SYNE3: variants seen among roughly 807,000 people sequenced by gnomAD.
The protein encoded by SYNE3 is nesprin-3.
In SYNE3, 100 loss-of-function variants were observed where a neutral mutation model predicts 111.2. That is an observed-to-expected ratio of 0.90 (90% confidence interval 0.77 to 1.06). SYNE3 has a LOEUF of 1.06. Among genes scored for constraint, SYNE3 ranks in the 50% least tolerant of loss-of-function variants. The probability of loss-of-function intolerance (pLI) is 0.00; values close to 1 mark genes in which losing one functional copy is unlikely to be tolerated. For missense variants in SYNE3, 1,160 were observed against 1,240.3 expected (o/e 0.94, Z 0.97); for synonymous variants, 547 against 533.9 (o/e 1.02, Z -0.34).
chr14:95,439,586 G>T (rs748754495), intron 13 of SYNE3, 26 bp downstream of exon 13: 3 of 1,602,672 alleles, frequency 1.9e-6, no homozygotes, highest in South Asian at 2.2e-5. Context: ...CCCAGACAAC[G>T]CTCAGAGCCT....
At chr14:95,443,004 T>G in intron 11 of SYNE3, 151 bp downstream of exon 11, 1 of 1,001,414 alleles carries the variant, frequency 1.0e-6, no homozygotes, top group South Asian at 1.7e-5. Flanking sequence ...AATTGTCTGT[T>G]GTATGAATGA....
intron 1 of SYNE3, among the ~76,000 whole-genome samples, chr14:95,513,737 T>TTATATATA (rs59944497): frequency 0.05 from 4,632 of 92,214 alleles, 192 homozygotes; most frequent in African/African-American, 0.057. Context: ...GCTGCTTAGA[T>TTATATATA]TATATATATA....
At chr14:95,475,564 A>G in intron 2 of SYNE3, 114 bp downstream of exon 2, 1 of 1,207,458 alleles carries the variant, frequency 8.3e-7, no homozygotes, top group Non-Finnish European at 1.1e-6. Flanking sequence ...TCAGAGTTTG[A>G]GAAACATTGG....
chr14:95,436,233 C>T (rs1886078048), intron 15 of SYNE3, among the ~76,000 whole-genome samples: 1 of 152,112 alleles, frequency 6.6e-6, no homozygotes, highest in South Asian at 2.1e-4. Flanking sequence ...AAACAGAATG[C>T]AGGGGAATTA....
intron 1 of SYNE3, among the ~76,000 whole-genome samples, chr14:95,482,591 C>T (rs149123670): frequency 1.5e-3 from 235 of 152,214 alleles, no homozygotes; most frequent in African/African-American, 5.5e-3. Context: ...GCAAAGAAAG[C>T]GGCAACGTCA....
chr14:95,460,613 C>A (rs1280235804), intron 4 of SYNE3, among the ~76,000 whole-genome samples: 1 of 115,072 alleles, frequency 8.7e-6, no homozygotes, highest in Non-Finnish European at 1.7e-5. Context: ...CTGCTTGAAT[C>A]TGAAAGTGGA....
In SYNE3 at chr14:95,485,224, A is replaced by C. The variant is rs1302340880; in HGVS notation, c.-14-9389T>G. The stretch of plus-strand genomic sequence containing the variant: ...AGGCCAAGATTAGAAATCAGAAAGC[A>C]ATGAAACTGCAAAGAACCCCTGCCC... On this transcript the variant is annotated intron_variant, in intron 1 of 17. Transcript: ENST00000682763. This position sits in a 1 kb window ranked among gnomAD's most constrained non-coding sequence, Gnocchi z 4.3. Among the ~76,000 whole-genome samples the C allele has an allele frequency of 6.6e-6, 1 of 152,186 alleles. No individual in the cohort carries two copies. The highest frequency in any genetic ancestry group is 1.5e-5 in the Non-Finnish European group (1 of 68,022).
chr14:95,450,291 T>TA (rs560814517), intron 7 of SYNE3, 186 bp from the exon 8 acceptor site: 50 of 698,192 alleles, frequency 7.2e-5, no homozygotes, highest in Middle Eastern at 8.2e-4. Context: ...GGACTTTGAT[T>TA]AATATCACTA....
intron 2 of SYNE3, among the ~76,000 whole-genome samples, chr14:95,469,858 T>C (rs796242596): frequency 4.6e-5 from 7 of 152,344 alleles, no homozygotes; most frequent in African/African-American, 1.4e-4. Flanking sequence ...ATCCTTTTTT[T>C]ACTCCATACA....
chr14:95,507,343 G>A (rs943363152), intron 1 of SYNE3, among the ~76,000 whole-genome samples: 2 of 152,206 alleles, frequency 1.3e-5, no homozygotes, highest in Non-Finnish European at 2.9e-5. Context: ...CAAGGCACTG[G>A]TTACAAAGCG....
intron 4 of SYNE3, among the ~76,000 whole-genome samples, chr14:95,463,214 G>GC (rs1004878637): frequency 1.3e-5 from 2 of 152,138 alleles, no homozygotes; most frequent in African/African-American, 4.8e-5. Context: ...AAAGACTGGG[G>GC]GAGCAGATGA....
In SYNE3 at chr14:95,490,932, G is replaced by A. The variant is rs148144279; in HGVS notation, c.-14-15097C>T. Reference sequence around the variant, plus strand: ...GTCTACCTTCCCATTAGAATGTCCCGCTCAAGGGCAGAGGCTATGTCTCAT... The same window carrying A: ...GTCTACCTTCCCATTAGAATGTCCCACTCAAGGGCAGAGGCTATGTCTCAT... On this transcript the variant is annotated intron_variant, in intron 1 of 17. Coordinates refer to ENST00000682763, the MANE Select transcript of SYNE3 (RefSeq NM_152592.6). 1.2e-3 allele frequency among the ~76,000 whole-genome samples: 177 copies of A among 152,314 alleles called. 1 individual carries two copies. The highest frequency in any genetic ancestry group is 4.0e-3 in the African/African-American group (165 of 41,574).
intron 1 of SYNE3, among the ~76,000 whole-genome samples, chr14:95,510,931 A>G (rs986770708): frequency 3.3e-5 from 5 of 152,376 alleles, no homozygotes; most frequent in African/African-American, 1.2e-4. Flanking sequence ...CATCTCTGTG[A>G]TCTGACAGCT....
At chr14:95,439,204 G>A in intron 13 of SYNE3, 42 bp from the exon 14 acceptor site, 1 of 1,611,882 alleles carries the variant, frequency 6.2e-7, no homozygotes, top group Non-Finnish European at 8.5e-7. Flanking sequence ...GAGATGTGGT[G>A]GGGACCCACC....
In SYNE3 at chr14:95,417,889, C is replaced by T; in HGVS notation, c.2865G>A (p.Leu955=). ...TGAAGGAGCGGGCGAAGTTGTTGGC[C>T]AGGGTGCAGCTGCGGTCCTCTTCCC... is the stretch of plus-strand genomic sequence containing the variant. ...PIREEDRSCT[L]ANNFARSFTL... is the part of the protein sequence containing the mutation. The change falls in exon 18 of 18, where the codon CTG becomes CTA. Residue 955 remains leucine, a synonymous_variant. Transcript: ENST00000682763. 4 of 1,614,212 alleles carry T rather than the reference C, an allele frequency of 2.5e-6. No homozygotes were observed. Among genetic ancestry groups the T allele is most frequent in the South Asian group, 2.2e-5 (2 of 91,080 alleles).
intron 1 of SYNE3, among the ~76,000 whole-genome samples, chr14:95,506,345 C>T (rs1167412006): frequency 6.6e-6 from 1 of 152,244 alleles, no homozygotes; most frequent in Non-Finnish European, 1.5e-5. Flanking sequence ...TGGCCAGTTG[C>T]AGATGGCTGG....
intron 2 of SYNE3, among the ~76,000 whole-genome samples, chr14:95,471,473 G>A (rs1421385329): frequency 6.6e-6 from 1 of 152,204 alleles, no homozygotes; most frequent in Non-Finnish European, 1.5e-5. Flanking sequence ...TACCAAGGCA[G>A]AGGAGCTGGC....
At chr14:95,487,785 A>C (rs903895087) in intron 1 of SYNE3, among the ~76,000 whole-genome samples, 2 of 152,094 alleles carry the variant, frequency 1.3e-5, no homozygotes, top group African/African-American at 2.4e-5. Flanking sequence ...AGTTTTGTAC[A>C]TGAATGGAAT....
chr14:95,475,617 T>C (rs1352322429), intron 2 of SYNE3, 61 bp downstream of exon 2: 98 of 1,344,550 alleles, frequency 7.3e-5, no homozygotes, highest in Non-Finnish European at 9.1e-5. Context: ...ACCTGAGGTC[T>C]GAGGGCGGGG....
Sources: gnomAD v4.1 joint callset for allele counts (sites outside exome capture counted in the v4.1 genomes callset) on GRCh38, gnomAD v4.1.1 for gene constraint, Gnocchi (gnomAD v3.1) non-coding constraint, MANE v1.5 for transcripts, NCBI Gene and HGNC (gene_info 2026-07-23, HGNC 2026-07-21) for gene names.